The following ADAMTS3 variants were observed in gnomAD, a reference collection of about 807,000 sequenced individuals.
The protein encoded by ADAMTS3 is A disintegrin and metalloproteinase with thrombospondin motifs 3.
In ADAMTS3, 73 loss-of-function variants were observed where a neutral mutation model predicts 129.0. The ratio of observed to expected loss-of-function variants is 0.57; its 90% CI spans 0.47 to 0.69. ADAMTS3 has a LOEUF of 0.69. Ranked by LOEUF, ADAMTS3 falls within the 30% of genes least tolerant of loss-of-function variation. ADAMTS3 has a pLI of 0.00. For synonymous variants in ADAMTS3, 477 were observed against 510.8 expected (o/e 0.93, Z 0.89); for missense variants, 1,457 against 1,514.5 (o/e 0.96, Z 0.63).
chr4:72,322,097 C>T (rs756566374), intron 6 of ADAMTS3, among the ~76,000 whole-genome samples: 5 of 152,102 alleles, frequency 3.3e-5, no homozygotes, highest in African/African-American at 4.8e-5. Flanking sequence ...TTTTAATATA[C>T]GGATCACATA....
At chr4:72,493,261 T>C (rs1258386687) in intron 3 of ADAMTS3, among the ~76,000 whole-genome samples, 1 of 151,982 alleles carries the variant, frequency 6.6e-6, no homozygotes, top group Non-Finnish European at 1.5e-5. Flanking sequence ...TACCACTTTG[T>C]TAGTTGTTTT....
chr4:72,505,009 T>C (rs1229929262), intron 3 of ADAMTS3, among the ~76,000 whole-genome samples: 1 of 152,198 alleles, frequency 6.6e-6, no homozygotes, highest in African/African-American at 2.4e-5. Flanking sequence ...TTGACTTGGA[T>C]CTTGTTGAGC....
chr4:72,542,994 G>A (rs1721372736), intron 3 of ADAMTS3, among the ~76,000 whole-genome samples: 1 of 152,114 alleles, frequency 6.6e-6, no homozygotes, highest in African/African-American at 2.4e-5. Context: ...GTGTGAGAAA[G>A]CATATCATCA....
At chr4:72,563,370 A>T (rs914707240) in intron 2 of ADAMTS3, among the ~76,000 whole-genome samples, 1 of 152,148 alleles carries the variant, frequency 6.6e-6, no homozygotes, top group Non-Finnish European at 1.5e-5. Context: ...TTTACAAAGG[A>T]TCCCCCTAAA....
chr4:72,384,470 T>G (rs574241147), intron 4 of ADAMTS3, among the ~76,000 whole-genome samples: 1 of 152,130 alleles, frequency 6.6e-6, no homozygotes. Flanking sequence ...ATCCTTGACT[T>G]CTCATCAAAA....
At chr4:72,431,332 A>T (rs1722693966) in intron 3 of ADAMTS3, among the ~76,000 whole-genome samples, 1 of 152,000 alleles carries the variant, frequency 6.6e-6, no homozygotes, top group Non-Finnish European at 1.5e-5. Context: ...CATTAAAGCT[A>T]AAATACTAGT....
intron 3 of ADAMTS3, among the ~76,000 whole-genome samples, chr4:72,537,721 T>C (rs1721217446): frequency 6.6e-6 from 1 of 151,914 alleles, no homozygotes. Context: ...TAAAACCAAA[T>C]ATCACAAGGA....
chr4:72,426,998 T>C, intron 3 of ADAMTS3, among the ~76,000 whole-genome samples: 1 of 152,118 alleles, frequency 6.6e-6, no homozygotes, highest in East Asian at 1.9e-4. Flanking sequence ...GAAAAAAGGA[T>C]CAGCCCTATA....
chr4:72,442,438 A>G (rs1052529157), intron 3 of ADAMTS3, among the ~76,000 whole-genome samples: 2 of 151,772 alleles, frequency 1.3e-5, no homozygotes, highest in African/African-American at 2.4e-5. Context: ...GAGGCATCAC[A>G]TGGCAAGACG....
chr4:72,298,568 TA>T, intron 17 of ADAMTS3, 126 bp from the exon 18 acceptor site: 1 of 690,482 alleles, frequency 1.4e-6, no homozygotes, highest in Non-Finnish European at 2.3e-6. Flanking sequence ...TCAAAAATTA[TA>T]ATGTTTTTAT....
intron 3 of ADAMTS3, among the ~76,000 whole-genome samples, chr4:72,529,735 AT>A (rs200004566): frequency 0.28 from 31,359 of 112,366 alleles, 4,728 homozygotes; most frequent in Non-Finnish European, 0.32. Context: ...ATTAATATAT[AT>A]TTATTTAATA....
At chr4:72,566,284 G>T (rs1722018603) in intron 2 of ADAMTS3, among the ~76,000 whole-genome samples, 1 of 152,042 alleles carries the variant, frequency 6.6e-6, no homozygotes, top group Non-Finnish European at 1.5e-5. Flanking sequence ...TTAGCTCTTG[G>T]GTTTCTTAGT....
intron 3 of ADAMTS3, among the ~76,000 whole-genome samples, chr4:72,525,216 G>C (rs1472434382): frequency 6.6e-6 from 1 of 152,122 alleles, no homozygotes; most frequent in Non-Finnish European, 1.5e-5. Context: ...GGTCAAAACA[G>C]GTAGAGCCTA....
At chr4:72,468,474 T>A (rs1718977972) in intron 3 of ADAMTS3, among the ~76,000 whole-genome samples, 1 of 152,074 alleles carries the variant, frequency 6.6e-6, no homozygotes, top group Admixed American at 6.6e-5. Context: ...TTTCACAATT[T>A]TACTAAAAAT....
At chr4:72,545,518 T>G (rs1457809021) in intron 3 of ADAMTS3, among the ~76,000 whole-genome samples, 2 of 152,194 alleles carry the variant, frequency 1.3e-5, no homozygotes, top group African/African-American at 4.8e-5. Flanking sequence ...GGGGCCAATG[T>G]CTGTTGCTTT....
At chr4:72,379,772 A>C (rs1019521307) in intron 4 of ADAMTS3, among the ~76,000 whole-genome samples, 1 of 152,132 alleles carries the variant, frequency 6.6e-6, no homozygotes, top group African/African-American at 2.4e-5. Context: ...GTAATAATAA[A>C]AACATATGTC....
chr4:72,568,288 C>G (rs1722073005), intron 1 of ADAMTS3, among the ~76,000 whole-genome samples: 1 of 152,184 alleles, frequency 6.6e-6, no homozygotes, highest in Non-Finnish European at 1.5e-5. Context: ...GAACCCGACT[C>G]TGGCGGCAGC....
At chr4:72,360,326 C>G (rs1221722118) in intron 4 of ADAMTS3, among the ~76,000 whole-genome samples, 1 of 151,982 alleles carries the variant, frequency 6.6e-6, no homozygotes, top group Non-Finnish European at 1.5e-5. Flanking sequence ...GAAAAGGACA[C>G]AAATTCTCGA....
intron 16 of ADAMTS3, 123 bp from the exon 17 acceptor site, chr4:72,304,203 A>C (rs1211360695): frequency 1.1e-6 from 1 of 942,752 alleles, no homozygotes; most frequent in African/African-American, 1.7e-5. Context: ...GTAGCAAGGA[A>C]TCAAAATGGG....
Sources: allele counts gnomAD v4.1 joint callset (sites outside exome capture counted in the v4.1 genomes callset), GRCh38; gene constraint gnomAD v4.1.1; transcripts MANE v1.5; gene names NCBI Gene and HGNC (gene_info 2026-07-23, HGNC 2026-07-21).